CCDC66: variants seen among roughly 807,000 people sequenced by gnomAD.
CCDC66 encodes the protein coiled-coil domain-containing protein 66.
A neutral mutation model predicts 128.3 loss-of-function variants in CCDC66; 133 were observed. That is an observed-to-expected ratio of 1.04 (90% CI 0.90 to 1.20). The LOEUF is 1.20. CCDC66 is among the 50% of genes most tolerant of loss of function. The pLI is 0.00. For missense variants in CCDC66, 1,126 were observed against 1,075.5 expected (o/e 1.05, Z -0.66); for synonymous variants, 387 against 357.0 (o/e 1.08, Z -0.95).
At chr3:56,617,068 A>ATTTTG in intron 13 of CCDC66, 44 bp from the exon 14 acceptor site, 2 of 1,388,902 alleles carry the variant, frequency 1.4e-6, no homozygotes, top group Non-Finnish European at 1.9e-6. Flanking sequence ...AATATTGAAA[A>ATTTTG]TTTTGTTTAC....
At chr3:56,566,148 C>T (rs1031888748) in intron 4 of CCDC66, among the ~76,000 whole-genome samples, 5 of 43,684 alleles carry the variant, frequency 1.1e-4, no homozygotes, top group Non-Finnish European at 3.1e-4. Flanking sequence ...TTTTTTGAGA[C>T]GACATCTGGC....
At position 56,557,205 on chromosome 3, in the gene CCDC66, G is replaced by C; in HGVS notation, c.-38G>C. ...GCGGCGGCAACCGACGTACACAAGG[G>C]GCTTGAGCGTTCTGTGGAGAGAGTG... On this transcript the variant is annotated 5_prime_UTR_variant, in exon 1 of 18. Transcript: ENST00000394672. 1 of 1,551,260 alleles carries C rather than the reference G, an allele frequency of 6.4e-7. No individual in the cohort carries two copies. Among genetic ancestry groups the C allele is most frequent in the Non-Finnish European group, 8.7e-7 (1 of 1,146,974 alleles).
At chr3:56,593,394 C>T in intron 8 of CCDC66, 97 bp from the exon 9 acceptor site, 2 of 1,362,784 alleles carry the variant, frequency 1.5e-6, no homozygotes, top group Non-Finnish European at 2.0e-6. Context: ...TTATTCTGCT[C>T]TAAGGTGACT....
chr3:56,584,013 G>T (rs1156646128), intron 7 of CCDC66, among the ~76,000 whole-genome samples: 1 of 95,542 alleles, frequency 1.0e-5, no homozygotes, highest in Non-Finnish European at 2.2e-5. Context: ...TGGCCGGGCG[G>T]GGGGCTGCCC....
At chr3:56,563,405 AAAG>A (rs1042751139) in intron 3 of CCDC66, 42 of 267,682 alleles carry the variant, frequency 1.6e-4, no homozygotes, top group South Asian at 1.2e-3. Flanking sequence ...AAAAAAAAAA[AAAG>A]AGATAATGTA....
chr3:56,619,980 T>C (rs1180328823), intron 17 of CCDC66, 79 bp downstream of exon 17: 1 of 997,866 alleles, frequency 1.0e-6, no homozygotes, highest in Non-Finnish European at 1.3e-6. Context: ...AACGGTTTGT[T>C]TTAAGTTACT....
In CCDC66 at chr3:56,621,698, C is replaced by A; in HGVS notation, c.*80C>A. On this transcript the variant is annotated 3_prime_UTR_variant, in exon 18 of 18. Transcript: ENST00000394672. ...TGCTCACTGGCTCAACTGTATTTTT[C>A]AAATAGCCTAGATTTACTTATTTTT... The A allele has an allele frequency of 1.1e-6, 1 of 911,434 alleles. No homozygotes were observed. 56.5% of individuals were successfully genotyped at this position (911,434 alleles called of 1,614,324 possible).
At chr3:56,597,777 G>GTTTTTTTTTTTTTTTTTTTTTTTGT (rs3064563) in intron 10 of CCDC66, among the ~76,000 whole-genome samples, 1 of 87,916 alleles carries the variant, frequency 1.1e-5, no homozygotes, top group African/African-American at 4.2e-5. Context: ...TTGTTTTGGG[G>GTTTTTTTTTTTTTTTTTTTTTTTGT]TTTTTTTTTT....
chr3:56,586,840 A>G (rs1202031536), intron 7 of CCDC66, among the ~76,000 whole-genome samples: 2 of 151,890 alleles, frequency 1.3e-5, no homozygotes, highest in Non-Finnish European at 1.5e-5. Flanking sequence ...GCCTTGAGCC[A>G]AGAGTTTGAG....
At chr3:56,589,959 AATTTTT>A (rs2070570719) in intron 7 of CCDC66, among the ~76,000 whole-genome samples, 1 of 152,188 alleles carries the variant, frequency 6.6e-6, no homozygotes, top group South Asian at 2.1e-4. Context: ...GAATTTAATT[AATTTTT>A]AAGTTCAAAG....
At chr3:56,617,733 C>A in intron 14 of CCDC66, 128 bp downstream of exon 14, 1 of 1,163,824 alleles carries the variant, frequency 8.6e-7, no homozygotes, top group Non-Finnish European at 1.2e-6. Flanking sequence ...AAACTATATC[C>A]CATGGGCAAA....
chr3:56,614,133 T>C (rs1194951335), intron 11 of CCDC66, among the ~76,000 whole-genome samples: 1 of 152,210 alleles, frequency 6.6e-6, no homozygotes, highest in Non-Finnish European at 1.5e-5. Context: ...TCTATTATTT[T>C]GAATTGTGAA....
At chr3:56,608,005 C>T (rs2074299436) in intron 10 of CCDC66, among the ~76,000 whole-genome samples, 3 of 152,094 alleles carry the variant, frequency 2.0e-5, no homozygotes. Flanking sequence ...GGTGGATTAT[C>T]TTTTTGATAT....
chr3:56,562,764 G>A (rs62255970), intron 3 of CCDC66, among the ~76,000 whole-genome samples: 7,450 of 151,498 alleles, frequency 0.049, 190 homozygotes, highest in East Asian at 0.089. Flanking sequence ...TCAGCCCCTC[G>A]AGTAGCTGGG....
rs756103943 is a variant in CCDC66 at position 56,617,464 on chromosome 3, A to C, written c.2196A>C (p.Val732=). ...QLQKQREEKK[V]RRQMELLHLV... is the part of the protein sequence containing the mutation. ...AAAAGCAGAGAGAAGAAAAAAAAGTAAGGAGGCAGATGGAATTGCTTCATT... is the reference window on the plus strand; with the variant it reads ...AAAAGCAGAGAGAAGAAAAAAAAGTCAGGAGGCAGATGGAATTGCTTCATT... The change falls in exon 14 of 18, where the codon GTA becomes GTC. Residue 732 remains valine, a synonymous_variant. Transcript: ENST00000394672. The C allele has an allele frequency of 6.2e-7, 1 of 1,614,078 alleles. No homozygotes were observed. Among genetic ancestry groups the C allele is most frequent in the Non-Finnish European group, 8.5e-7 (1 of 1,179,974 alleles).
At chr3:56,621,486 C>A (rs2076621446) in intron 17 of CCDC66, 46 bp from the exon 18 acceptor site, 4 of 1,146,842 alleles carry the variant, frequency 3.5e-6, no homozygotes, top group Middle Eastern at 2.0e-4. Flanking sequence ...CATTGCAAGT[C>A]AGGTGTGCAC....
intron 17 of CCDC66, 22 bp from the exon 18 acceptor site, chr3:56,621,510 A>ACAT: frequency 6.6e-7 from 1 of 1,505,124 alleles, no homozygotes; most frequent in Middle Eastern, 1.7e-4. Context: ...TTACTAACAA[A>ACAT]CATATATCAA....
intron 14 of CCDC66, 187 bp downstream of exon 14, chr3:56,617,792 T>A: frequency 1.6e-6 from 1 of 643,986 alleles, no homozygotes; most frequent in Non-Finnish European, 2.6e-6. Context: ...CATAGTCAAC[T>A]CATTCTTTTA....
chr3:56,611,079 A>G (rs896404371), intron 10 of CCDC66, among the ~76,000 whole-genome samples: 5 of 152,088 alleles, frequency 3.3e-5, no homozygotes, highest in African/African-American at 1.2e-4. Context: ...AGAAAGCATC[A>G]GCTGTAGTAG....
Sources: gnomAD v4.1 joint callset for allele counts (sites outside exome capture counted in the v4.1 genomes callset) on GRCh38, gnomAD v4.1.1 for gene constraint, MANE v1.5 for transcripts, NCBI Gene and HGNC (gene_info 2026-07-23, HGNC 2026-07-21) for gene names.